The following TTLL11 variants were observed in gnomAD, a reference collection of about 807,000 sequenced individuals.
The protein encoded by TTLL11 is tubulin polyglutamylase TTLL11.
In TTLL11, 42 loss-of-function variants were observed where a neutral mutation model predicts 51.7. That is an observed-to-expected ratio of 0.81 (90% confidence interval 0.64 to 1.05). TTLL11 has a LOEUF of 1.05. Ranked by LOEUF, TTLL11 falls within the 50% of genes least tolerant of loss-of-function variation. The probability of loss-of-function intolerance (pLI) is 0.00; values close to 1 mark genes in which losing one functional copy is unlikely to be tolerated. For missense variants in TTLL11, 799 were observed against 940.4 expected (o/e 0.85, Z 1.97); for synonymous variants, 381 against 383.5 (o/e 0.99, Z 0.08).
chr9:121,971,101 C>A (rs1371020880), intron 6 of TTLL11, among the ~76,000 whole-genome samples: 11 of 115,554 alleles, frequency 9.5e-5, no homozygotes, highest in Non-Finnish European at 2.1e-4. Flanking sequence ...CCAGCCGCCC[C>A]GTCCGGGAGG....
intron 6 of TTLL11, 82 bp downstream of exon 6, chr9:121,973,927 T>A: frequency 1.1e-6 from 1 of 903,874 alleles, no homozygotes; most frequent in Non-Finnish European, 1.7e-6. Flanking sequence ...GGTAACAGGT[T>A]CCAAGAACTT....
Position 121,912,895 on chromosome 9 carries a change from G to A in TTLL11, c.1482-42147C>T, listed in dbSNP as rs563505312. ...GAGATTTAGAGAAATTAAGAGACTTGGCCAATATCAGAGTCAAGAAAAAAA... is the reference window on the plus strand; with the variant it reads ...GAGATTTAGAGAAATTAAGAGACTTAGCCAATATCAGAGTCAAGAAAAAAA... On this transcript the variant is annotated intron_variant, in intron 6 of 8. Transcript: ENST00000321582. Among the ~76,000 whole-genome samples the A allele has an allele frequency of 2.0e-5, 3 of 151,936 alleles. No individual in the cohort carries two copies. In the East Asian group the frequency reaches 5.8e-4, roughly 29 times the overall value.
At chr9:121,851,084 C>T (rs948645910) in intron 8 of TTLL11, among the ~76,000 whole-genome samples, 69 of 152,206 alleles carry the variant, frequency 4.5e-4, no homozygotes, top group African/African-American at 1.5e-3. Flanking sequence ...TGAAAAGAGC[C>T]AGTCTGAAAA....
chr9:121,828,141 T>C (rs10046827), intron 8 of TTLL11, among the ~76,000 whole-genome samples: 9,570 of 152,068 alleles, frequency 0.063, 832 homozygotes, highest in African/African-American at 0.2. Flanking sequence ...CACAGGAAGA[T>C]GTATTGTCAC....
chr9:122,069,910 G>T (rs1006010334), intron 1 of TTLL11, among the ~76,000 whole-genome samples: 6 of 151,316 alleles, frequency 4.0e-5, no homozygotes, highest in Non-Finnish European at 7.4e-5. Flanking sequence ...TGGCACCGCT[G>T]GCCCCACCTT....
chr9:121,886,670 G>A (rs1402182572), intron 6 of TTLL11, among the ~76,000 whole-genome samples: 1 of 152,206 alleles, frequency 6.6e-6, no homozygotes, highest in Non-Finnish European at 1.5e-5. Flanking sequence ...GCAGCCCTAG[G>A]AAACTGATGT....
At chr9:122,001,157 G>A (rs1033556411) in intron 3 of TTLL11, among the ~76,000 whole-genome samples, 1 of 152,174 alleles carries the variant, frequency 6.6e-6, no homozygotes, top group Admixed American at 6.5e-5. Context: ...GTGCAATGGC[G>A]TGATCTCGGC....
chr9:121,851,112 T>C (rs1223922404), intron 8 of TTLL11, among the ~76,000 whole-genome samples: 1 of 152,184 alleles, frequency 6.6e-6, no homozygotes, highest in Non-Finnish European at 1.5e-5. Context: ...TACGATATGA[T>C]TCCAACAATA....
rs1193497265 is a variant in TTLL11 at position 121,971,057 on chromosome 9, G to C, written c.1481+2952C>G. ...CCCCGCCCGGTCAGCCGCCCCGTCC[G>C]GGAGGGAGGTGGGGGGGTCAGCCCC... On this transcript the variant is annotated intron_variant, in intron 6 of 8. Transcript: ENST00000321582. 4.3e-3 allele frequency among the ~76,000 whole-genome samples: 592 copies of C among 139,208 alleles called. 3 individuals carry two copies. The highest frequency in any genetic ancestry group is 0.015 in the African/African-American group (553 of 37,430). The allele number at this position is 139,208 out of a possible 152,430, so 91.3% of individuals were successfully genotyped here. A position where few individuals can be genotyped will look rare whatever the true frequency, so the allele number is the denominator to read the frequency against.
chr9:122,001,985 G>A (rs1016572017), intron 3 of TTLL11, among the ~76,000 whole-genome samples: 3 of 152,230 alleles, frequency 2.0e-5, no homozygotes, highest in Non-Finnish European at 2.9e-5. Context: ...CTGGTTGGAA[G>A]CCAAGCTGAG....
chr9:121,850,727 T>A (rs1318300327), intron 8 of TTLL11, among the ~76,000 whole-genome samples: 8 of 152,192 alleles, frequency 5.3e-5, no homozygotes, highest in African/African-American at 1.9e-4. Flanking sequence ...GGAAACACTG[T>A]CACAGACACA....
chr9:121,974,982 G>A lies in TTLL11; in HGVS notation c.1270-3C>T. ...AGAAGAATGTCAAAGCCTAAAATCT[G>A]GGCAGGATAAACACAATTCAGAATT... On this transcript the variant is annotated splice_region_variant and splice_polypyrimidine_tract_variant and intron_variant, in intron 4 of 8. Transcript: ENST00000321582. 2 of 1,534,116 alleles carry A rather than the reference G, an allele frequency of 1.3e-6. No individual in the cohort carries two copies. The highest frequency in any genetic ancestry group is 8.8e-7 in the Non-Finnish European group (1 of 1,141,460).
intron 6 of TTLL11, among the ~76,000 whole-genome samples, chr9:121,943,238 C>G (rs1841554513): frequency 6.6e-6 from 1 of 152,134 alleles, no homozygotes; most frequent in Non-Finnish European, 1.5e-5. Flanking sequence ...TGGACATGAG[C>G]CTGGTGACAG....
At chr9:122,018,330 T>C (rs1052954017) in intron 3 of TTLL11, among the ~76,000 whole-genome samples, 2 of 152,070 alleles carry the variant, frequency 1.3e-5, no homozygotes, top group Non-Finnish European at 2.9e-5. Context: ...GCTAGGGTGG[T>C]CTCAATCTCC....
intron 1 of TTLL11, among the ~76,000 whole-genome samples, chr9:122,039,886 T>TCTCTCTCA (rs1355809615): frequency 1.4e-5 from 2 of 147,788 alleles, no homozygotes; most frequent in Admixed American, 6.7e-5. Flanking sequence ...TCTCTCTCTC[T>TCTCTCTCA]CACACACACA....
chr9:121,930,655 G>C (rs1224059449), intron 6 of TTLL11, among the ~76,000 whole-genome samples: 1 of 152,210 alleles, frequency 6.6e-6, no homozygotes, highest in East Asian at 1.9e-4. Flanking sequence ...AGGATGAGAA[G>C]GACCAGAGCT....
intron 4 of TTLL11, among the ~76,000 whole-genome samples, chr9:121,975,321 C>T (rs570742239): frequency 1.8e-4 from 28 of 152,254 alleles, no homozygotes; most frequent in African/African-American, 6.0e-4. Context: ...CTTCTGCTCT[C>T]GTTTACTAAG....
chr9:121,923,679 G>T (rs1222256332), intron 6 of TTLL11, among the ~76,000 whole-genome samples: 1 of 152,170 alleles, frequency 6.6e-6, no homozygotes, highest in Non-Finnish European at 1.5e-5. Flanking sequence ...GCTCATAGAG[G>T]CTGACAGAAG....
chr9:122,080,372 A>C (rs1845971322), intron 1 of TTLL11, among the ~76,000 whole-genome samples: 1 of 152,164 alleles, frequency 6.6e-6, no homozygotes, highest in Non-Finnish European at 1.5e-5. Context: ...TCATTTTTGG[A>C]AAGTTAGCTT....
Sources: gnomAD v4.1 joint callset for allele counts (sites outside exome capture counted in the v4.1 genomes callset) on GRCh38, gnomAD v4.1.1 for gene constraint, MANE v1.5 for transcripts, NCBI Gene and HGNC (gene_info 2026-07-23, HGNC 2026-07-21) for gene names.